CEP112: variants seen among roughly 807,000 people sequenced by gnomAD.
CEP112 encodes centrosomal protein of 112 kDa.
In CEP112, 127 loss-of-function variants were observed where a neutral mutation model predicts 153.0. The observed-to-expected ratio is 0.83, with a 90% CI of 0.72 to 0.96. CEP112 has a LOEUF of 0.96. CEP112 is among the 40% of genes least tolerant of loss of function. CEP112 has a pLI of 0.00. For synonymous variants in CEP112, 358 were observed against 374.4 expected (o/e 0.96, Z 0.51); for missense variants, 1,089 against 1,101.2 (o/e 0.99, Z 0.16).
At chr17:65,729,613 A>C (rs2050382289) in intron 23 of CEP112, among the ~76,000 whole-genome samples, 1 of 152,190 alleles carries the variant, frequency 6.6e-6, no homozygotes, top group Non-Finnish European at 1.5e-5. Context: ...TTTTTTGTTA[A>C]ATTTTTAAAA....
intron 2 of CEP112, chr17:66,182,497 C>T (rs1392020381): frequency 4.6e-5 from 7 of 152,136 alleles, no homozygotes; most frequent in Non-Finnish European, 1.0e-4. Context: ...AAAGTAAAAG[C>T]CATAGTTTCT....
chr17:65,794,461 A>G (rs1318383759), intron 21 of CEP112, among the ~76,000 whole-genome samples: 2 of 151,702 alleles, frequency 1.3e-5, no homozygotes, highest in African/African-American at 2.4e-5. Context: ...TGTGCCTACA[A>G]TTTCTACTCT....
At chr17:65,850,155 A>C (rs1359849884) in intron 21 of CEP112, among the ~76,000 whole-genome samples, 1 of 143,656 alleles carries the variant, frequency 7.0e-6, no homozygotes, top group East Asian at 2.0e-4. Context: ...CTCTGTCTCA[A>C]AAAAAAAAAA....
At chr17:65,692,224 ATTT>A (rs35586515) in intron 23 of CEP112, among the ~76,000 whole-genome samples, 9 of 126,862 alleles carry the variant, frequency 7.1e-5, no homozygotes, top group African/African-American at 1.2e-4. Context: ...CTGCACTGGA[ATTT>A]TTTTTTTTTT....
Position 66,014,800 on chromosome 17 carries a change from A to G in CEP112, c.1657-9031T>C, listed in dbSNP as rs186464395. 1.3e-3 allele frequency among the ~76,000 whole-genome samples: 203 copies of G among 151,728 alleles called. 5 individuals carry two copies. Among genetic ancestry groups the G allele is most frequent in the Admixed American group, 0.013 (202 of 15,240 alleles). ...CAGTGTCTCTGTCCTCCCTCTGTCCACTCTCAGTAACTTTCCTCTGAAGAT... is the reference window on the plus strand; with the variant it reads ...CAGTGTCTCTGTCCTCCCTCTGTCCGCTCTCAGTAACTTTCCTCTGAAGAT... On this transcript the variant is annotated intron_variant, in intron 16 of 26. Coordinates refer to ENST00000535342, the MANE Select transcript of CEP112 (RefSeq NM_001199165.4).
intron 9 of CEP112, among the ~76,000 whole-genome samples, chr17:66,069,383 AAT>A (rs1555789044): frequency 6.6e-6 from 1 of 150,654 alleles, no homozygotes; most frequent in African/African-American, 2.5e-5. Flanking sequence ...AAGAAAAAAA[AAT>A]AAGTTTTATT....
At chr17:65,787,075 T>C (rs2054318520) in intron 21 of CEP112, among the ~76,000 whole-genome samples, 1 of 152,228 alleles carries the variant, frequency 6.6e-6, no homozygotes, top group African/African-American at 2.4e-5. Flanking sequence ...TATCTATACT[T>C]GTACCAGTGC....
intron 23 of CEP112, among the ~76,000 whole-genome samples, chr17:65,722,154 AC>A (rs1172585210): frequency 6.6e-6 from 1 of 152,214 alleles, no homozygotes; most frequent in Non-Finnish European, 1.5e-5. Flanking sequence ...CCTAAAAAGA[AC>A]CAGGCACTTA....
intron 21 of CEP112, among the ~76,000 whole-genome samples, chr17:65,796,698 T>C (rs925793715): frequency 1.3e-5 from 2 of 151,834 alleles, no homozygotes; most frequent in Non-Finnish European, 2.9e-5. Context: ...TGTAAAAATG[T>C]ATGTGTCTTT....
intron 4 of CEP112, among the ~76,000 whole-genome samples, chr17:66,172,280 T>C (rs986041896): frequency 6.6e-6 from 1 of 152,170 alleles, no homozygotes; most frequent in Non-Finnish European, 1.5e-5. Flanking sequence ...GGACAGATAG[T>C]AAGCCTCTAC....
At chr17:65,656,082 C>T (rs546855766) in intron 24 of CEP112, among the ~76,000 whole-genome samples, 4 of 152,296 alleles carry the variant, frequency 2.6e-5, no homozygotes, top group South Asian at 2.1e-4. Flanking sequence ...GAGTATGTGA[C>T]GGGACCCTAA....
chr17:65,655,439 G>A, intron 24 of CEP112: 1 of 1,213,406 alleles, frequency 8.2e-7, no homozygotes, highest in Non-Finnish European at 1.2e-6. Flanking sequence ...GTCTTTGACT[G>A]CTGTCTTTTG....
chr17:65,699,083 G>A (rs541580077), intron 23 of CEP112, among the ~76,000 whole-genome samples: 14 of 152,092 alleles, frequency 9.2e-5, no homozygotes, highest in Admixed American at 4.6e-4. Context: ...AAACTATTTC[G>A]CATTGTTATT....
At chr17:65,688,031 T>C (rs2144355741) in intron 24 of CEP112, among the ~76,000 whole-genome samples, 1 of 152,342 alleles carries the variant, frequency 6.6e-6, no homozygotes, top group East Asian at 1.9e-4. Context: ...GTGATACATG[T>C]TGACTTTTTA....
At position 66,084,901 on chromosome 17, in the gene CEP112, GTATCAAAC is replaced by G. The variant is rs550860928; in HGVS notation, c.768+11342_768+11349del. ...TGTGATTATTATGCATTGCAGGCCT[GTATCAAAC>G]TATATCATGTAACCCACAAATATAT... On this transcript the variant is annotated intron_variant, in intron 8 of 26. Transcript: ENST00000535342. 5.9e-4 allele frequency among the ~76,000 whole-genome samples: 90 copies of G among 152,216 alleles called. 3 individuals are homozygous for G. In the South Asian group the frequency reaches 0.018, roughly 31 times the overall value.
intron 6 of CEP112, among the ~76,000 whole-genome samples, chr17:66,119,089 AG>A (rs1568511381): frequency 1.3e-5 from 2 of 152,180 alleles, no homozygotes; most frequent in Admixed American, 6.5e-5. Context: ...AAACTAATGC[AG>A]GAACAGAAAA....
At chr17:65,943,574 G>A (rs532456928) in intron 18 of CEP112, among the ~76,000 whole-genome samples, 2 of 152,300 alleles carry the variant, frequency 1.3e-5, no homozygotes, top group East Asian at 1.9e-4. Flanking sequence ...CTGCTGAGAG[G>A]TCTACTGTTA....
chr17:65,775,959 C>CT (rs2053651651), intron 21 of CEP112, among the ~76,000 whole-genome samples: 1 of 152,240 alleles, frequency 6.6e-6, no homozygotes, highest in African/African-American at 2.4e-5. Flanking sequence ...TGACGACTGG[C>CT]TTTGGTGAAC....
At position 66,183,276 on chromosome 17, in the gene CEP112, T is replaced by C; in HGVS notation, c.24A>G (p.Glu8=). Residue 8 remains glutamate (E), a synonymous_variant, in exon 2 of 27, where the codon GAA becomes GAG. Transcript: ENST00000535342. ...ATTCTGCATCCAGCTTCTCCCATTT[T>C]TCTTCTTCACTTCCCACTTCCATAA... MEVGSEE[E]KWEKLDAEFD... 1 of 1,612,520 alleles carries C rather than the reference T, an allele frequency of 6.2e-7. No homozygotes were observed. Among genetic ancestry groups the C allele is most frequent in the South Asian group, 1.1e-5 (1 of 90,752 alleles).
Sources: allele counts gnomAD v4.1 joint callset (sites outside exome capture counted in the v4.1 genomes callset), GRCh38; gene constraint gnomAD v4.1.1; transcripts MANE v1.5; gene names NCBI Gene and HGNC (gene_info 2026-07-23, HGNC 2026-07-21).